The following FAM193B variants were observed in gnomAD, a reference collection of about 807,000 sequenced individuals.
FAM193B encodes the protein family with sequence similarity 193 member B.
FAM193B carries 27 observed loss-of-function variants against 70.7 expected under a neutral mutation model. The ratio of observed to expected loss-of-function variants is 0.38; its 90% CI spans 0.28 to 0.53. The LOEUF is 0.53. FAM193B is among the 20% of genes least tolerant of loss of function. FAM193B has a pLI of 0.81. For missense variants in FAM193B, 1,022 were observed against 1,072.5 expected (o/e 0.95, Z 0.66); for synonymous variants, 448 against 436.0 (o/e 1.03, Z -0.34).
chr5:177,531,862 C>T, intron 5 of FAM193B: 1 of 1,175,862 alleles, frequency 8.5e-7, no homozygotes. Context: ...AGGATAATAA[C>T]CCCTAGCTCA....
At chr5:177,543,160 GGTA>G (rs1351718002) in intron 1 of FAM193B, among the ~76,000 whole-genome samples, 1 of 152,050 alleles carries the variant, frequency 6.6e-6, no homozygotes, top group Admixed American at 6.6e-5. Flanking sequence ...GAGCCAAAAT[GGTA>G]CACAAAATAA....
chr5:177,544,464 T>A (rs1765188509), intron 1 of FAM193B, among the ~76,000 whole-genome samples: 1 of 152,322 alleles, frequency 6.6e-6, no homozygotes, highest in South Asian at 2.1e-4. Context: ...ACTTGGGTAT[T>A]GGCAGACATT....
intron 1 of FAM193B, among the ~76,000 whole-genome samples, chr5:177,548,397 G>A (rs567697443): frequency 7.3e-4 from 111 of 152,356 alleles, no homozygotes; most frequent in Non-Finnish European, 1.3e-3. Flanking sequence ...ATACACAATG[G>A]AAGTTGGCAA....
chr5:177,527,338 C>G (rs569255663), intron 5 of FAM193B, among the ~76,000 whole-genome samples: 1 of 152,328 alleles, frequency 6.6e-6, no homozygotes, highest in African/African-American at 2.4e-5. Flanking sequence ...AAGGGCCCTG[C>G]AGGCCCTACA....
At chr5:177,553,051 G>A (rs1581956768) in intron 1 of FAM193B, 3 of 355,320 alleles carry the variant, frequency 8.4e-6, no homozygotes, top group Non-Finnish European at 1.2e-5. Flanking sequence ...TCACAGAAAG[G>A]GGAGTGCTAC....
chr5:177,532,646 T>G lies in FAM193B; in HGVS notation c.1077-5A>C. The stretch of plus-strand genomic sequence containing the variant: ...TGCCCCTTGCACCCGGGATCCCTGA[T>G]GATGGGGAGGAAGGCCCAGAGGTGA... On this transcript the variant is annotated splice_region_variant and splice_polypyrimidine_tract_variant and intron_variant, in intron 4 of 8. Coordinates refer to ENST00000514747, the MANE Select transcript of FAM193B (RefSeq NM_001190946.3). This position sits in a 1 kb window ranked among gnomAD's most constrained non-coding sequence, Gnocchi z 4.9. 6.5e-7 allele frequency: 1 copy of G among 1,532,298 alleles called. No individual in the cohort carries two copies. Among genetic ancestry groups the G allele is most frequent in the Non-Finnish European group, 8.7e-7 (1 of 1,147,966 alleles). The allele number at this position is 1,532,298 out of a possible 1,614,324, so 94.9% of individuals were successfully genotyped here.
intron 5 of FAM193B, chr5:177,531,299 G>A: frequency 7.5e-7 from 1 of 1,336,702 alleles, no homozygotes; most frequent in South Asian, 1.2e-5. Context: ...TTCAGCTTGT[G>A]CCGGGCCCGC....
intron 5 of FAM193B, among the ~76,000 whole-genome samples, chr5:177,526,745 G>A (rs1210769411): frequency 1.3e-5 from 2 of 152,192 alleles, no homozygotes; most frequent in Admixed American, 1.3e-4. Flanking sequence ...GAAAGAACAG[G>A]AGGAGGAGGT....
Position 177,532,183 on chromosome 5 carries a change from C to T in FAM193B, c.1275+260G>A. On this transcript the variant is annotated intron_variant, in intron 5 of 8. Coordinates refer to ENST00000514747, the MANE Select transcript of FAM193B (RefSeq NM_001190946.3). This position sits in a 1 kb window ranked among gnomAD's most constrained non-coding sequence, Gnocchi z 4.9. ...ATCAGAATCATAGCTTTCTCTCTGC[C>T]ATTTCCTTTCCTTTTGCCTAAGGAA... 2.0e-6 allele frequency: 3 copies of T among 1,483,834 alleles called. No individual in the cohort carries two copies. Among genetic ancestry groups the T allele is most frequent in the Non-Finnish European group, 2.7e-6 (3 of 1,114,378 alleles). The allele number at this position is 1,483,834 out of a possible 1,614,324, so 91.9% of individuals were successfully genotyped here. A position where few individuals can be genotyped will look rare whatever the true frequency, so the allele number is the denominator to read the frequency against.
At chr5:177,551,960 A>C in intron 1 of FAM193B, 1 of 925,520 alleles carries the variant, frequency 1.1e-6, no homozygotes, top group Non-Finnish European at 1.3e-6. Flanking sequence ...GGGCATAACT[A>C]GAACCGAATT....
At chr5:177,545,283 A>T (rs1765278663) in intron 1 of FAM193B, among the ~76,000 whole-genome samples, 1 of 152,296 alleles carries the variant, frequency 6.6e-6, no homozygotes, top group South Asian at 2.1e-4. Flanking sequence ...ACCTCAAGTG[A>T]TCCGCCTGCC....
chr5:177,553,502 G>C (rs1458392128), intron 1 of FAM193B: 1 of 1,124,610 alleles, frequency 8.9e-7, no homozygotes, highest in African/African-American at 1.7e-5. Context: ...GGTACCTCCC[G>C]TTATCTCCTT....
chr5:177,539,268 C>T, intron 1 of FAM193B, 121 bp from the exon 2 acceptor site: 1 of 1,274,618 alleles, frequency 7.8e-7, no homozygotes. Context: ...ACTTTTTAGA[C>T]ATAATTAAAA....
chr5:177,534,566 T>C (rs1763953809), intron 4 of FAM193B, among the ~76,000 whole-genome samples: 1 of 151,588 alleles, frequency 6.6e-6, no homozygotes. Flanking sequence ...CCTCCCAAAG[T>C]GCTGGGATTA....
chr5:177,524,230 T>A lies in FAM193B; in HGVS notation c.2251A>T (p.Ser751Cys). Residue 751 changes from serine (S) to cysteine (C), a missense_variant, in exon 6 of 9, where the codon AGC (serine) becomes TGC (cysteine). Coordinates refer to ENST00000514747, the MANE Select transcript of FAM193B (RefSeq NM_001190946.3). Reference protein sequence around the residue: ...PQSLPQGKGRSRRSRNKQEKP... With the variant: ...PQSLPQGKGRCRRSRNKQEKP... ...TCCTGCTTGTTGCGGCTCCGGCGGC[T>A]GCGGCCCTTGCCCTGGGGCAAGCTC... 6.5e-7 allele frequency: 1 copy of A among 1,547,750 alleles called. No individual in the cohort carries two copies. Among genetic ancestry groups the A allele is most frequent in the South Asian group, 1.2e-5 (1 of 81,208 alleles).
At chr5:177,545,190 C>T (rs978019201) in intron 1 of FAM193B, among the ~76,000 whole-genome samples, 7 of 152,084 alleles carry the variant, frequency 4.6e-5, no homozygotes, top group African/African-American at 9.7e-5. Flanking sequence ...ATTACAGGCG[C>T]CTGCCAATAC....
At chr5:177,539,509 G>A (rs1354386397) in intron 1 of FAM193B, among the ~76,000 whole-genome samples, 2 of 152,220 alleles carry the variant, frequency 1.3e-5, no homozygotes, top group Non-Finnish European at 2.9e-5. Context: ...ATGGCTGGGA[G>A]TGTCCACAAT....
chr5:177,524,282 C>T lies in FAM193B; in HGVS notation c.2199G>A (p.Val733=), dbSNP rs1219104882. ...GTGGCCTTGCTGGGCCTGAGGGCTG[C>T]ACAGACTCCTGCTCCTGAGGCCGTG... ...AKARPQEQES[V]QPSGPARPQS... is the part of the protein sequence containing the mutation. Residue 733 remains valine (V), a synonymous_variant, in exon 6 of 9, where the codon GTG becomes GTA. Transcript: ENST00000514747. 1 of 1,582,902 alleles carries T rather than the reference C, an allele frequency of 6.3e-7. No homozygotes were observed. The highest frequency in any genetic ancestry group is 8.6e-7 in the Non-Finnish European group (1 of 1,164,642).
chr5:177,520,833 G>T (rs1445348859), intron 8 of FAM193B, among the ~76,000 whole-genome samples: 1 of 152,170 alleles, frequency 6.6e-6, no homozygotes, highest in Admixed American at 6.5e-5. Flanking sequence ...TTTGGCAAAG[G>T]GGGCTGACTG....
Sources: allele counts gnomAD v4.1 joint callset (sites outside exome capture counted in the v4.1 genomes callset), GRCh38; gene constraint gnomAD v4.1.1; non-coding constraint Gnocchi (gnomAD v3.1); transcripts MANE v1.5; gene names NCBI Gene and HGNC (gene_info 2026-07-23, HGNC 2026-07-21).